Variants in TMCC2 observed in about 807,000 individuals in gnomAD.
The protein encoded by TMCC2 is transmembrane and coiled-coil domains protein 2.
Under a neutral mutation model 49.4 loss-of-function variants are expected in TMCC2, and 16 were observed. That is an observed-to-expected ratio of 0.32 (90% CI 0.22 to 0.49). The LOEUF (loss-of-function observed/expected upper bound fraction) is 0.49, where lower values mean the gene tolerates loss of function less well. Ranked by LOEUF, TMCC2 falls within the 20% of genes least tolerant of loss-of-function variation. The probability of loss-of-function intolerance (pLI) is 0.99; values close to 1 mark genes in which losing one functional copy is unlikely to be tolerated. For missense variants in TMCC2, 762 were observed against 989.8 expected, an observed-to-expected ratio of 0.77 and a Z score of 3.09; for synonymous variants, 397 against 434.1, an observed-to-expected ratio of 0.91 and a Z score of 1.06.
chr1:205,239,108 G>A (rs1242877124), intron 1 of TMCC2, among the ~76,000 whole-genome samples: 1 of 152,116 alleles, frequency 6.6e-6, no homozygotes, highest in Non-Finnish European at 1.5e-5. Flanking sequence ...TCTTTAGAAG[G>A]GAAACTCTTT....
Position 205,228,517 on chromosome 1 carries a change from A to C in TMCC2, c.-48A>C. On this transcript the variant is annotated 5_prime_UTR_variant, in exon 1 of 5. Coordinates refer to ENST00000358024, the MANE Select transcript of TMCC2 (RefSeq NM_014858.4). ...ATAAGAGGGGGTGCGGTCTTCCCCA[A>C]GACGGCGCGCTGGAAGGACAGATTC... 1.3e-6 allele frequency: 2 copies of C among 1,548,882 alleles called. No individual in the cohort carries two copies. The highest frequency in any genetic ancestry group is 2.4e-5 in the South Asian group (2 of 84,182).
At chr1:205,243,994 G>A (rs1660366347) in intron 2 of TMCC2, among the ~76,000 whole-genome samples, 1 of 152,254 alleles carries the variant, frequency 6.6e-6, no homozygotes, top group Admixed American at 6.5e-5. Flanking sequence ...AAATGAGCTT[G>A]AAGGAGGAGG....
intron 1 of TMCC2, among the ~76,000 whole-genome samples, chr1:205,235,790 C>T (rs1395013689): frequency 1.3e-5 from 2 of 152,184 alleles, no homozygotes; most frequent in Non-Finnish European, 2.9e-5. Flanking sequence ...AGTTATTTGG[C>T]TGGGCGCGGT....
chr1:205,259,436 T>G (rs1042531100), intron 2 of TMCC2, among the ~76,000 whole-genome samples: 12 of 152,196 alleles, frequency 7.9e-5, no homozygotes, highest in African/African-American at 2.9e-4. Flanking sequence ...GTTTCTGTGG[T>G]CTATCTTGAA....
At chr1:205,229,551 G>A (rs974559787) in intron 1 of TMCC2, 13 of 694,012 alleles carry the variant, frequency 1.9e-5, no homozygotes, top group East Asian at 1.5e-4. Context: ...GGGGCGGGGG[G>A]GGGGGGGTGG....
chr1:205,252,464 G>A (rs939388984), intron 2 of TMCC2, among the ~76,000 whole-genome samples: 1 of 152,154 alleles, frequency 6.6e-6, no homozygotes, highest in Non-Finnish European at 1.5e-5. Context: ...CCTTCCTCTC[G>A]CATTTCCCTG....
intron 1 of TMCC2, among the ~76,000 whole-genome samples, chr1:205,233,316 C>G (rs1659884559): frequency 6.6e-6 from 1 of 152,210 alleles, no homozygotes; most frequent in Non-Finnish European, 1.5e-5. Context: ...AGGGGGAGCT[C>G]CAAATTCCAT....
chr1:205,228,286 A>C lies in TMCC2; in HGVS notation c.-279A>C, dbSNP rs1659651298. On this transcript the variant is annotated 5_prime_UTR_variant, in exon 1 of 5. Transcript: ENST00000358024. Reference sequence around the variant, plus strand: ...TGTCTCCCTTCTCCCTCCTGCAATGACTGCCCAAGGACTCTTGCTGCCCAG... The same window carrying C: ...TGTCTCCCTTCTCCCTCCTGCAATGCCTGCCCAAGGACTCTTGCTGCCCAG... The C allele has an allele frequency of 6.7e-6, 2 of 298,504 alleles. No individual in the cohort carries two copies. The highest frequency in any genetic ancestry group is 1.1e-4 in the East Asian group (2 of 17,624). 18.5% of individuals were successfully genotyped at this position (298,504 alleles called of 1,614,324 possible).
At chr1:205,228,950 T>G (rs1342315487) in intron 1 of TMCC2, 179 bp downstream of exon 1, 5 of 1,411,838 alleles carry the variant, frequency 3.5e-6, no homozygotes, top group Non-Finnish European at 4.6e-6. Context: ...GCCTCTGTCT[T>G]TCAGCTCCGT....
Position 205,269,004 on chromosome 1 carries a change from G to A in TMCC2, c.802G>A (p.Asp268Asn), listed in dbSNP as rs774243808. ...CCTCCCCGCCGGCCATGGTGACACCGACGGCCCCATCAGCCTGGACGTGCC... is the reference window on the plus strand; with the variant it reads ...CCTCCCCGCCGGCCATGGTGACACCAACGGCCCCATCAGCCTGGACGTGCC... ...LSLPAGHGDT[D>N]GPISLDVPDG... The change falls in exon 3 of 5, where the codon GAC becomes AAC. Residue 268 changes from aspartate to asparagine, a missense_variant. Asp to Asn is a conservative substitution (Grantham distance 23). Transcript: ENST00000358024. The A allele has an allele frequency of 4.3e-5, 69 of 1,613,162 alleles. No homozygotes were observed. Among genetic ancestry groups the A allele is most frequent in the Middle Eastern group, 1.6e-4 (1 of 6,084 alleles).
At chr1:205,268,568 T>TAC (rs1008341951) in intron 2 of TMCC2, among the ~76,000 whole-genome samples, 3 of 152,138 alleles carry the variant, frequency 2.0e-5, no homozygotes, top group African/African-American at 7.2e-5. Flanking sequence ...GAGCTGAGAT[T>TAC]ACGCTACTGC....
chr1:205,248,820 C>A (rs1660556775), intron 2 of TMCC2, among the ~76,000 whole-genome samples: 1 of 152,106 alleles, frequency 6.6e-6, no homozygotes, highest in Non-Finnish European at 1.5e-5. Context: ...TCAATCCCTT[C>A]TCTCCTTGTT....
At chr1:205,252,955 T>C (rs1660724366) in intron 2 of TMCC2, among the ~76,000 whole-genome samples, 1 of 150,236 alleles carries the variant, frequency 6.7e-6, no homozygotes, top group Non-Finnish European at 1.5e-5. Context: ...ACCTTGTCTC[T>C]CTTAAAAAAA....
At chr1:205,261,253 T>C (rs945129407) in intron 2 of TMCC2, among the ~76,000 whole-genome samples, 1 of 144,210 alleles carries the variant, frequency 6.9e-6, no homozygotes, top group Non-Finnish European at 1.5e-5. Flanking sequence ...CAGGCTGGAG[T>C]GCAGTGGTGT....
At chr1:205,256,316 C>A in intron 2 of TMCC2, 1 of 1,549,968 alleles carries the variant, frequency 6.5e-7, no homozygotes. Flanking sequence ...CTGCTCACTG[C>A]TCATTGTCCT....
chr1:205,269,788 G>C lies in TMCC2; in HGVS notation c.1586G>C (p.Gly529Ala), dbSNP rs1257218230. ...GAAGAGCTACGGGAGATCAAGGAGG[G>C]ACAGTCTCACCTGGAGGACTCCATG... ...LLEELREIKE[G>A]QSHLEDSMED... Residue 529 changes from glycine (G) to alanine (A), a missense_variant, in exon 3 of 5, where the codon GGA becomes GCA. Gly to Ala is a moderately conservative substitution (Grantham distance 60). Transcript: ENST00000358024. 1 of 1,614,050 alleles carries C rather than the reference G, an allele frequency of 6.2e-7. No homozygotes were observed. Among genetic ancestry groups the C allele is most frequent in the African/African-American group, 1.3e-5 (1 of 74,928 alleles).
In TMCC2 at chr1:205,264,069, T is replaced by C. The variant is rs1000775067; in HGVS notation, c.748-4881T>C. On this transcript the variant is annotated intron_variant, in intron 2 of 4. Coordinates refer to ENST00000358024, the MANE Select transcript of TMCC2 (RefSeq NM_014858.4). This position sits in a 1 kb window ranked among gnomAD's most constrained non-coding sequence, Gnocchi z 4.2. ...TTAATACTGGGATTAAATGAATTAA[T>C]AGGTGTAAACACTGAGAGACAAGTC... Among the ~76,000 whole-genome samples, 2 of 152,228 alleles carry C rather than the reference T, an allele frequency of 1.3e-5. No homozygotes were observed. Among genetic ancestry groups the C allele is most frequent in the African/African-American group, 2.4e-5 (1 of 41,446 alleles).
chr1:205,257,369 G>A (rs1660920254), intron 2 of TMCC2: 3 of 1,232,342 alleles, frequency 2.4e-6, no homozygotes, highest in African/African-American at 1.5e-5. Flanking sequence ...CCACACAGGT[G>A]AGGCGTCTGG....
rs1574871935 is a variant in TMCC2, at chr1:205,269,890, T to G, written c.1682+6T>G. 2.5e-6 allele frequency: 4 copies of G among 1,607,210 alleles called. No individual in the cohort carries two copies. Among genetic ancestry groups the G allele is most frequent in the Non-Finnish European group, 2.6e-6 (3 of 1,175,896 alleles). ...CTGCAGGAGGAGCGCTACAGGTAGGTGCCTGCCCACCCCCTCCTGCAGCCC... is the reference window on the plus strand; with the variant it reads ...CTGCAGGAGGAGCGCTACAGGTAGGGGCCTGCCCACCCCCTCCTGCAGCCC... On this transcript the variant is annotated splice_donor_region_variant and intron_variant, in intron 3 of 4. Coordinates refer to ENST00000358024, the MANE Select transcript of TMCC2 (RefSeq NM_014858.4).
Sources: gnomAD v4.1 joint callset for allele counts (sites outside exome capture counted in the v4.1 genomes callset) on GRCh38, gnomAD v4.1.1 for gene constraint, Gnocchi (gnomAD v3.1) non-coding constraint, MANE v1.5 for transcripts, NCBI Gene and HGNC (gene_info 2026-07-23, HGNC 2026-07-21) for gene names.